RGS6: variants seen among roughly 807,000 people sequenced by gnomAD.
RGS6 encodes the protein regulator of G protein signaling 6, also known as regulator of G-protein signaling 6.
A neutral mutation model predicts 78.5 loss-of-function variants in RGS6; 30 were observed. The observed-to-expected ratio is 0.38, with a 90% CI of 0.29 to 0.52. RGS6 has a LOEUF of 0.52. Ranked by LOEUF, RGS6 falls within the 20% of genes least tolerant of loss-of-function variation. The pLI is 0.85. For synonymous variants in RGS6, 206 were observed against 206.0 expected (o/e 1.00, Z 0.00); for missense variants, 495 against 609.7 (o/e 0.81, Z 1.98).
chr14:72,488,217 C>G (rs528824536), intron 12 of RGS6, among the ~76,000 whole-genome samples: 4 of 152,220 alleles, frequency 2.6e-5, no homozygotes, highest in Non-Finnish European at 5.9e-5. Context: ...ATGACTTTGG[C>G]TTTGTTGCCT....
intron 3 of RGS6, among the ~76,000 whole-genome samples, chr14:72,382,932 G>A (rs1259325534): frequency 6.6e-6 from 1 of 151,940 alleles, no homozygotes; most frequent in Non-Finnish European, 1.5e-5. Context: ...TGAAAAGGAG[G>A]ACTAACTTTT....
intron 2 of RGS6, among the ~76,000 whole-genome samples, chr14:72,072,075 C>T (rs918231432): frequency 2.0e-5 from 3 of 152,212 alleles, no homozygotes; most frequent in Admixed American, 2.0e-4. Context: ...AGGCCCAGTG[C>T]TAAGCACATG....
intron 3 of RGS6, among the ~76,000 whole-genome samples, chr14:72,417,596 G>A (rs547831418): frequency 2.0e-5 from 3 of 152,192 alleles, no homozygotes; most frequent in African/African-American, 4.8e-5. Context: ...TCGGAGAACC[G>A]CATGGGCTCC....
At chr14:72,602,246 G>A in the RGS6 span, among the ~76,000 whole-genome samples, 1 of 152,202 alleles carries the variant, frequency 6.6e-6, no homozygotes, top group African/African-American at 2.4e-5. Context: ...CTTAAGGGTA[G>A]GAACTTGTTA....
chr14:72,084,426 G>A (rs2094944496), intron 2 of RGS6, among the ~76,000 whole-genome samples: 1 of 152,156 alleles, frequency 6.6e-6, no homozygotes, highest in South Asian at 2.1e-4. Context: ...AGAACATCCT[G>A]GATTAAGCAA....
At chr14:72,076,402 T>C (rs984823881) in intron 2 of RGS6, among the ~76,000 whole-genome samples, 14 of 152,212 alleles carry the variant, frequency 9.2e-5, no homozygotes, top group African/African-American at 3.1e-4. Flanking sequence ...ATCAACTGTT[T>C]GGTATTTCTT....
At chr14:72,505,046 G>C (rs931162566) in intron 13 of RGS6, among the ~76,000 whole-genome samples, 5 of 149,986 alleles carry the variant, frequency 3.3e-5, no homozygotes, top group Non-Finnish European at 7.4e-5. Context: ...AAAGTGCTGG[G>C]ATTACAGGCG....
At chr14:72,248,258 T>A (rs1335854202) in intron 2 of RGS6, among the ~76,000 whole-genome samples, 1 of 152,216 alleles carries the variant, frequency 6.6e-6, no homozygotes, top group Non-Finnish European at 1.5e-5. Context: ...CATTATAGAT[T>A]TAGCGTGGAA....
chr14:71,958,148 A>G (rs1486009299), intron 1 of RGS6, among the ~76,000 whole-genome samples: 1 of 152,144 alleles, frequency 6.6e-6, no homozygotes, highest in Non-Finnish European at 1.5e-5. Flanking sequence ...AGTCAACTTC[A>G]CTGAAAACTA....
intron 17 of RGS6, among the ~76,000 whole-genome samples, chr14:72,549,742 A>G (rs1445978481): frequency 4.6e-5 from 7 of 152,104 alleles, no homozygotes; most frequent in African/African-American, 1.7e-4. Flanking sequence ...CATGCCTATA[A>G]TCCCAGCTAC....
At chr14:72,515,788 A>G (rs1343571795) in intron 14 of RGS6, 1 of 152,284 alleles carries the variant, frequency 6.6e-6, no homozygotes, top group African/African-American at 2.4e-5. Flanking sequence ...AGCCCTCAGG[A>G]ACCGCAGGGA....
chr14:72,522,985 T>C (rs1192213701), intron 15 of RGS6, among the ~76,000 whole-genome samples: 1 of 152,236 alleles, frequency 6.6e-6, no homozygotes, highest in Non-Finnish European at 1.5e-5. Flanking sequence ...TGTTTCTACA[T>C]GAGGATTGAG....
At chr14:72,039,813 A>AT (rs3053082) in intron 2 of RGS6, among the ~76,000 whole-genome samples, 16,653 of 68,814 alleles carry the variant, frequency 0.24, 2,587 homozygotes, top group South Asian at 0.29. Context: ...TGTTTCATTG[A>AT]TTTTTTTTTT....
At chr14:72,602,869 A>G in the RGS6 span, among the ~76,000 whole-genome samples, 3 of 152,240 alleles carry the variant, frequency 2.0e-5, no homozygotes, top group Admixed American at 2.0e-4. Flanking sequence ...ATCCACGTTG[A>G]GAAAGGCAGT....
At chr14:71,997,774 A>G (rs576856026) in intron 2 of RGS6, among the ~76,000 whole-genome samples, 152 of 152,350 alleles carry the variant, frequency 1.0e-3, no homozygotes, top group African/African-American at 3.5e-3. Context: ...TTCATAAAGC[A>G]CTTTTACATA....
At chr14:72,542,626 G>A (rs542066821) in intron 17 of RGS6, among the ~76,000 whole-genome samples, 5 of 152,294 alleles carry the variant, frequency 3.3e-5, no homozygotes, top group South Asian at 2.1e-4. Flanking sequence ...GACCAAAGAC[G>A]TGAGGCCAAT....
intron 17 of RGS6, chr14:72,552,707 G>C (rs2097524322): frequency 6.6e-6 from 1 of 152,196 alleles, no homozygotes; most frequent in Admixed American, 6.5e-5. Context: ...GGTAGTGGAG[G>C]AGTCAGAAGC....
At chr14:72,464,577 A>C (rs1212032084) in intron 6 of RGS6, 1 of 152,254 alleles carries the variant, frequency 6.6e-6, no homozygotes, top group East Asian at 1.9e-4. Flanking sequence ...CTTGTTGTCC[A>C]ACAACAAAAT....
intron 3 of RGS6, among the ~76,000 whole-genome samples, chr14:72,411,671 T>G (rs1209448062): frequency 6.6e-6 from 1 of 152,184 alleles, no homozygotes; most frequent in African/African-American, 2.4e-5. Context: ...GCTTCCAGTT[T>G]TTGTCCATTC....
Sources: gnomAD v4.1 joint callset for allele counts (sites outside exome capture counted in the v4.1 genomes callset) on GRCh38, gnomAD v4.1.1 for gene constraint, MANE v1.5 for transcripts, NCBI Gene and HGNC (gene_info 2026-07-23, HGNC 2026-07-21) for gene names.